Variants in GRM5 observed in about 807,000 individuals in gnomAD.
GRM5 encodes the protein metabotropic glutamate receptor 5.
GRM5 carries 19 observed loss-of-function variants against 83.1 expected under a neutral mutation model. The ratio of observed to expected loss-of-function variants is 0.23; its 90% CI spans 0.16 to 0.34. The LOEUF (loss-of-function observed/expected upper bound fraction) is 0.34. Ranked by LOEUF, GRM5 falls within the 10% of genes least tolerant of loss-of-function variation. The pLI is 1.00. For missense variants in GRM5, 1,160 were observed against 1,588.3 expected (o/e 0.73, Z 4.58); for synonymous variants, 675 against 633.6 (o/e 1.07, Z -0.98).
intron 9 of GRM5, among the ~76,000 whole-genome samples, chr11:88,524,560 C>T (rs539382479): frequency 3.3e-5 from 5 of 152,334 alleles, no homozygotes; most frequent in East Asian, 1.9e-4. Flanking sequence ...CAATAAAGCA[C>T]GTTTATTTCA....
chr11:88,875,664 T>C (rs1241160520), intron 2 of GRM5, among the ~76,000 whole-genome samples: 1 of 152,084 alleles, frequency 6.6e-6, no homozygotes, highest in Non-Finnish European at 1.5e-5. Flanking sequence ...GTAATAAGAA[T>C]TGAAATCCAA....
At chr11:88,857,499 G>C (rs1944496458) in intron 2 of GRM5, among the ~76,000 whole-genome samples, 1 of 151,968 alleles carries the variant, frequency 6.6e-6, no homozygotes, top group Non-Finnish European at 1.5e-5. Context: ...ATATTGACAG[G>C]GTTGTGGCTT....
chr11:88,509,012 G>C lies in GRM5; in HGVS notation c.3219C>G (p.Ser1073Arg). The C allele has an allele frequency of 6.4e-7, 1 of 1,573,176 alleles. No homozygotes were observed. Among genetic ancestry groups the C allele is most frequent in the South Asian group, 1.2e-5 (1 of 85,786 alleles). ...SVVTRFTANI[S>R]ELNSMMLSTA... ...TGGACAGCATCATGGAGTTGAGCTC[G>C]CTGATGTTGGCCGTGAAGCGGGTGA... The change falls in exon 10 of 10, where the codon AGC becomes AGG. Residue 1073 changes from serine (S) to arginine (R), a missense_variant. Ser to Arg is a moderately radical substitution (Grantham distance 110, BLOSUM62 -1). Around this residue, in one of 9 missense-constraint regions of GRM5, gnomAD observed 562 missense variants for 532.4 expected, o/e 1.06. Transcript: ENST00000305447.
intron 3 of GRM5, among the ~76,000 whole-genome samples, chr11:88,689,110 G>A (rs1383681240): frequency 2.0e-5 from 3 of 152,004 alleles, no homozygotes; most frequent in African/African-American, 7.2e-5. Flanking sequence ...ACTGCTAACT[G>A]TGATACTAAA....
chr11:88,554,070 C>G (rs574879284), intron 8 of GRM5, among the ~76,000 whole-genome samples: 1 of 152,128 alleles, frequency 6.6e-6, no homozygotes, highest in Non-Finnish European at 1.5e-5. Context: ...TAATATCTTA[C>G]AGTTCTGGAG....
intron 3 of GRM5, among the ~76,000 whole-genome samples, chr11:88,727,280 G>A (rs1343719955): frequency 6.8e-6 from 1 of 146,748 alleles, no homozygotes; most frequent in Non-Finnish European, 1.5e-5. Flanking sequence ...AAGGTCAAAA[G>A]AGACAAAGAA....
intron 8 of GRM5, among the ~76,000 whole-genome samples, chr11:88,534,271 T>G (rs1390225068): frequency 6.6e-6 from 1 of 152,166 alleles, no homozygotes; most frequent in Non-Finnish European, 1.5e-5. Flanking sequence ...CGACTTGCAC[T>G]GTGTGCCTGG....
At chr11:88,681,857 C>G (rs562074368) in intron 3 of GRM5, among the ~76,000 whole-genome samples, 253 of 152,094 alleles carry the variant, frequency 1.7e-3, no homozygotes, top group African/African-American at 5.9e-3. Flanking sequence ...GCGTGAGTCA[C>G]TGTGCCCAGC....
intron 9 of GRM5, chr11:88,523,117 C>T (rs1035130280): frequency 6.6e-6 from 1 of 152,148 alleles, no homozygotes; most frequent in African/African-American, 2.4e-5. Context: ...CTAAGAGCAT[C>T]GAATTGCATA....
intron 9 of GRM5, chr11:88,512,328 C>A (rs1941397154): frequency 6.5e-6 from 1 of 154,272 alleles, no homozygotes; most frequent in Non-Finnish European, 1.5e-5. Flanking sequence ...CACCAGACAC[C>A]CAGAGAAATG....
chr11:88,661,041 G>A (rs1052486931), intron 3 of GRM5, among the ~76,000 whole-genome samples: 5 of 152,110 alleles, frequency 3.3e-5, no homozygotes, highest in African/African-American at 9.7e-5. Flanking sequence ...TGGTGAACAA[G>A]GAAGGCAAGA....
intron 2 of GRM5, among the ~76,000 whole-genome samples, chr11:88,896,730 A>G (rs1199497601): frequency 2.0e-5 from 3 of 151,870 alleles, no homozygotes; most frequent in African/African-American, 7.2e-5. Flanking sequence ...CTTTTGTTCT[A>G]TTGGACATCA....
intron 7 of GRM5, among the ~76,000 whole-genome samples, chr11:88,584,652 C>T (rs1395650863): frequency 1.3e-5 from 2 of 152,142 alleles, no homozygotes; most frequent in East Asian, 1.9e-4. Flanking sequence ...CCATGTTGGC[C>T]AAGCTGGTCT....
chr11:88,858,804 G>A (rs189852027), intron 2 of GRM5, among the ~76,000 whole-genome samples: 1 of 152,116 alleles, frequency 6.6e-6, no homozygotes, highest in Admixed American at 6.6e-5. Context: ...AAATAGCCAA[G>A]TAGAAATGCC....
intron 9 of GRM5, among the ~76,000 whole-genome samples, chr11:88,510,796 G>A (rs918348740): frequency 5.3e-5 from 8 of 152,300 alleles, no homozygotes; most frequent in African/African-American, 1.4e-4. Context: ...GATTACAGGC[G>A]TGAGCCACTG....
chr11:88,878,553 A>T (rs1158052140), intron 2 of GRM5, among the ~76,000 whole-genome samples: 1 of 152,172 alleles, frequency 6.6e-6, no homozygotes, highest in Non-Finnish European at 1.5e-5. Context: ...TAGGCTGGCA[A>T]CGGAGAAAGA....
intron 3 of GRM5, among the ~76,000 whole-genome samples, chr11:88,725,977 TCTC>T (rs1464013600): frequency 6.6e-6 from 1 of 152,084 alleles, no homozygotes; most frequent in South Asian, 2.1e-4. Context: ...GACTGCCTCT[TCTC>T]CTCCAAAGGA....
At chr11:88,636,079 TC>T (rs2135278507) in intron 4 of GRM5, among the ~76,000 whole-genome samples, 2 of 152,340 alleles carry the variant, frequency 1.3e-5, no homozygotes, top group South Asian at 4.1e-4. Context: ...AATTATACCA[TC>T]TGTTAATAGA....
chr11:88,749,291 C>T lies in GRM5; in HGVS notation c.912-95888G>A, dbSNP rs188012870. On this transcript the variant is annotated intron_variant, in intron 3 of 9. Coordinates refer to ENST00000305447, the MANE Select transcript of GRM5 (RefSeq NM_001143831.3). The stretch of plus-strand genomic sequence containing the variant: ...TAAAAAACACAAGAGAACTTCACAA[C>T]GCACTCACAAGTATCAATAGCAAAA... Among the ~76,000 whole-genome samples, 26 of 152,260 alleles carry T rather than the reference C, an allele frequency of 1.7e-4. No homozygotes were observed. The East Asian group carries it at 3.5e-3, about 20-fold the overall frequency.
Sources: allele counts gnomAD v4.1 joint callset (sites outside exome capture counted in the v4.1 genomes callset), GRCh38; gene constraint gnomAD v4.1.1; regional missense constraint gnomAD v4.1.1; transcripts MANE v1.5; gene names NCBI Gene and HGNC (gene_info 2026-07-23, HGNC 2026-07-21).